Variants in ATP10B observed in about 807,000 individuals in gnomAD.
The protein encoded by ATP10B is ATPase phospholipid transporting 10B (putative), also known as phospholipid-transporting ATPase VB.
ATP10B carries 122 observed loss-of-function variants against 141.2 expected under a neutral mutation model. That is an observed-to-expected ratio of 0.86 (90% confidence interval 0.75 to 1.00). ATP10B has a LOEUF of 1.00. ATP10B is among the 50% of genes least tolerant of loss of function. ATP10B has a pLI of 0.00. For missense variants in ATP10B, 1,876 were observed against 1,825.3 expected (o/e 1.03, Z -0.51); for synonymous variants, 685 against 692.0 (o/e 0.99, Z 0.16).
the ATP10B span, among the ~76,000 whole-genome samples, chr5:160,925,522 C>T: frequency 1.3e-5 from 2 of 152,208 alleles, no homozygotes; most frequent in East Asian, 3.9e-4. Context: ...ACCCCTTAGT[C>T]ACTGTGATAA....
At chr5:160,608,719 A>G (rs1757541608) in intron 18 of ATP10B, among the ~76,000 whole-genome samples, 1 of 152,160 alleles carries the variant, frequency 6.6e-6, no homozygotes. Flanking sequence ...TTGGCTGCAT[A>G]AATGTCTTCT....
At chr5:160,814,506 T>G (rs1773441134) in intron 1 of ATP10B, among the ~76,000 whole-genome samples, 1 of 150,118 alleles carries the variant, frequency 6.7e-6, no homozygotes, top group African/African-American at 2.4e-5. Context: ...AATCTACGTC[T>G]GATTGGCGTA....
chr5:160,874,141 C>A, the ATP10B span, among the ~76,000 whole-genome samples: 486 of 152,194 alleles, frequency 3.2e-3, 4 homozygotes, highest in African/African-American at 0.011. Context: ...CCCTGTCTGA[C>A]AGCTTTGAAG....
intron 2 of ATP10B, among the ~76,000 whole-genome samples, chr5:160,782,547 A>G (rs1253880264): frequency 6.6e-6 from 1 of 151,804 alleles, no homozygotes; most frequent in Non-Finnish European, 1.5e-5. Context: ...TGCAGTATCA[A>G]TATTCTAGTC....
At chr5:160,900,166 C>T in the ATP10B span, among the ~76,000 whole-genome samples, 2 of 152,302 alleles carry the variant, frequency 1.3e-5, no homozygotes, top group African/African-American at 4.8e-5. Flanking sequence ...TCCCAGCCTT[C>T]CCCCAACTAC....
At chr5:160,766,340 AC>A (rs1189247420) in intron 2 of ATP10B, among the ~76,000 whole-genome samples, 3 of 38,162 alleles carry the variant, frequency 7.9e-5, no homozygotes, top group African/African-American at 3.9e-4. Flanking sequence ...TAAAGAGAAC[AC>A]ACACACACAC....
chr5:160,777,871 T>C (rs1293202299), intron 2 of ATP10B, among the ~76,000 whole-genome samples: 1 of 152,194 alleles, frequency 6.6e-6, no homozygotes, highest in Non-Finnish European at 1.5e-5. Context: ...TATGTGGCCA[T>C]TAAGAGGAAT....
Position 160,636,287 on chromosome 5 carries a change from G to T in ATP10B, c.1023C>A (p.Thr341=), listed in dbSNP as rs368724468. 6.2e-6 allele frequency: 10 copies of T among 1,613,170 alleles called. No homozygotes were observed. The African/African-American group carries it at 1.3e-4, about 22-fold the overall frequency. The part of the protein sequence containing the change: ...GAVGHSIWNG[T]FEEHPPFDVP... ...CATCGAAGGGAGGGTGTTCTTCAAA[G>T]GTCCCATTCCAGATGCTGTGACCTG... Residue 341 remains threonine (T), a synonymous_variant, in exon 11 of 26, where the codon ACC becomes ACA. Coordinates refer to ENST00000327245, the MANE Select transcript of ATP10B (RefSeq NM_025153.3).
At position 160,640,621 on chromosome 5, in the gene ATP10B, C is replaced by G. The variant is rs116599585; in HGVS notation, c.869-29G>C. ...TGAGAGAAAATGAGGAAATCAGTCC[C>G]TTAGTTCCTGTTTGCCTATGTCTTA... is the stretch of plus-strand genomic sequence containing the variant. On this transcript the variant is annotated intron_variant, in intron 9 of 25. Coordinates refer to ENST00000327245, the MANE Select transcript of ATP10B (RefSeq NM_025153.3). 2,985 of 1,612,712 alleles carry G rather than the reference C, an allele frequency of 1.9e-3. 46 individuals carry two copies. The African/African-American group carries it at 0.035, about 19-fold the overall frequency.
At chr5:160,829,532 A>C (rs1259347301) in intron 1 of ATP10B, among the ~76,000 whole-genome samples, 1 of 152,090 alleles carries the variant, frequency 6.6e-6, no homozygotes, top group Non-Finnish European at 1.5e-5. Context: ...AATAGCATTG[A>C]ATCTCTAAAT....
chr5:160,801,751 C>A (rs1438711695), intron 1 of ATP10B, among the ~76,000 whole-genome samples: 1 of 152,118 alleles, frequency 6.6e-6, no homozygotes, highest in Non-Finnish European at 1.5e-5. Flanking sequence ...ACAGGCCAAG[C>A]CCAAGTTCAC....
the ATP10B span, among the ~76,000 whole-genome samples, chr5:160,858,792 T>C: frequency 2.0e-4 from 30 of 152,058 alleles, no homozygotes; most frequent in South Asian, 5.8e-3. Flanking sequence ...ACACAACTTA[T>C]TACAATCTAT....
chr5:160,648,141 T>A (rs1760426711), intron 8 of ATP10B, among the ~76,000 whole-genome samples: 1 of 152,196 alleles, frequency 6.6e-6, no homozygotes, highest in African/African-American at 2.4e-5. Context: ...ATCATCATAA[T>A]CCACATCACG....
chr5:160,646,732 G>A (rs1336888119), intron 8 of ATP10B, among the ~76,000 whole-genome samples: 8 of 152,200 alleles, frequency 5.3e-5, no homozygotes, highest in Non-Finnish European at 8.8e-5. Context: ...GATAGCATAT[G>A]AGAGAGGCTT....
intron 13 of ATP10B, among the ~76,000 whole-genome samples, chr5:160,626,279 T>G (rs1481421376): frequency 6.6e-6 from 1 of 152,178 alleles, no homozygotes; most frequent in East Asian, 1.9e-4. Flanking sequence ...CCATCTAAAA[T>G]GCATACAAAC....
intron 1 of ATP10B, among the ~76,000 whole-genome samples, chr5:160,845,782 G>A (rs1373445025): frequency 6.6e-6 from 1 of 152,066 alleles, no homozygotes; most frequent in Admixed American, 6.6e-5. Context: ...CGGTCACCAT[G>A]TCTCATTTAT....
At chr5:160,820,347 G>A (rs1336177230) in intron 1 of ATP10B, among the ~76,000 whole-genome samples, 2 of 151,756 alleles carry the variant, frequency 1.3e-5, no homozygotes, top group African/African-American at 2.4e-5. Context: ...AAACCTGAAC[G>A]GACTAGTAAC....
chr5:160,825,963 C>CCA (rs1188982336), intron 1 of ATP10B, among the ~76,000 whole-genome samples: 1 of 152,178 alleles, frequency 6.6e-6, no homozygotes, highest in African/African-American at 2.4e-5. Flanking sequence ...CCAGCTTCAT[C>CCA]CACTTTGCTG....
At chr5:160,633,018 A>G (rs1255663714) in intron 12 of ATP10B, 6 of 152,306 alleles carry the variant, frequency 3.9e-5, no homozygotes, top group Non-Finnish European at 8.8e-5. Flanking sequence ...CCACAATGAG[A>G]TAACATCTCA....
Sources: allele counts gnomAD v4.1 joint callset (sites outside exome capture counted in the v4.1 genomes callset), GRCh38; gene constraint gnomAD v4.1.1; transcripts MANE v1.5; gene names NCBI Gene and HGNC (gene_info 2026-07-23, HGNC 2026-07-21).